The following ACCSL variants were observed in gnomAD, a reference collection of about 807,000 sequenced individuals.
The protein encoded by ACCSL is probable inactive 1-aminocyclopropane-1-carboxylate synthase-like protein 2.
In ACCSL, 55 loss-of-function variants were observed where a neutral mutation model predicts 61.7. The observed-to-expected ratio is 0.89, with a 90% CI of 0.72 to 1.12. The LOEUF (loss-of-function observed/expected upper bound fraction) is 1.12, where lower values mean the gene tolerates loss of function less well. Ranked by LOEUF, ACCSL falls within the 50% of genes most tolerant of loss-of-function variation. ACCSL has a pLI of 0.00. For missense variants in ACCSL, 632 were observed against 698.0 expected, an observed-to-expected ratio of 0.91 and a Z score of 1.07; for synonymous variants, 258 against 264.3, an observed-to-expected ratio of 0.98 and a Z score of 0.23.
At chr11:43,979,643 C>A in the ACCSL span, among the ~76,000 whole-genome samples, 2 of 152,014 alleles carry the variant, frequency 1.3e-5, no homozygotes, top group Non-Finnish European at 2.9e-5. Flanking sequence ...AATTCACATG[C>A]TTCGTTTCTA....
chr11:43,981,700 A>G, the ACCSL span, among the ~76,000 whole-genome samples: 1 of 152,090 alleles, frequency 6.6e-6, no homozygotes, highest in Non-Finnish European at 1.5e-5. Flanking sequence ...TGGGAAGTGA[A>G]GCTCTAGGGA....
chr11:43,994,888 C>G, the ACCSL span: 1 of 152,160 alleles, frequency 6.6e-6, no homozygotes, highest in Non-Finnish European at 1.5e-5. Context: ...CCTGCCTCGG[C>G]CTCGCAAAGT....
At chr11:44,037,015 G>T in the ACCSL span, among the ~76,000 whole-genome samples, 2 of 152,272 alleles carry the variant, frequency 1.3e-5, no homozygotes, top group African/African-American at 2.4e-5. Context: ...AGGGAGAAAA[G>T]GTTATGCAAT....
chr11:43,947,753 GA>G, the ACCSL span, among the ~76,000 whole-genome samples: 1 of 27,998 alleles, frequency 3.6e-5, no homozygotes, highest in Admixed American at 2.6e-4. Context: ...GAGAGAGAGA[GA>G]GAGAGAGAGA....
chr11:43,966,440 GA>G, the ACCSL span, among the ~76,000 whole-genome samples: 17 of 132,612 alleles, frequency 1.3e-4, no homozygotes, highest in East Asian at 3.0e-3. Context: ...AAAAAAAAAA[GA>G]AAAAAAAATT....
At chr11:44,020,227 G>A in the ACCSL span, among the ~76,000 whole-genome samples, 2 of 152,052 alleles carry the variant, frequency 1.3e-5, no homozygotes, top group African/African-American at 2.4e-5. Context: ...TTGTGTATTT[G>A]TAGCTTCCTT....
At chr11:44,016,715 T>C in the ACCSL span, among the ~76,000 whole-genome samples, 4 of 152,014 alleles carry the variant, frequency 2.6e-5, no homozygotes, top group Non-Finnish European at 5.9e-5. Context: ...TGCCAAGAAA[T>C]CCAGCAGACA....
the ACCSL span, chr11:43,943,603 T>C: frequency 3.1e-6 from 4 of 1,307,866 alleles, no homozygotes; most frequent in South Asian, 1.2e-5. The surrounding 1 kb of genome is among the most constrained non-coding windows in gnomAD (Gnocchi z 4.8). Context: ...TCCATGCCCT[T>C]GTCCGATGGT....
At chr11:43,935,247 C>T in the ACCSL span, among the ~76,000 whole-genome samples, 19 of 152,332 alleles carry the variant, frequency 1.2e-4, no homozygotes, top group South Asian at 2.1e-3. Flanking sequence ...AGTGTGTACA[C>T]GCACACACAC....
chr11:44,000,631 TA>T, the ACCSL span, among the ~76,000 whole-genome samples: 7,859 of 126,968 alleles, frequency 0.062, 229 homozygotes, highest in Middle Eastern at 0.11. Context: ...CTGTCTCTAT[TA>T]AAAAAAAAAA....
the ACCSL span, among the ~76,000 whole-genome samples, chr11:43,939,906 C>T: frequency 6.6e-5 from 10 of 152,136 alleles, no homozygotes; most frequent in Non-Finnish European, 1.3e-4. Context: ...CGTGCCTGGA[C>T]AGAGGTCAAC....
At chr11:43,967,882 A>G in the ACCSL span, among the ~76,000 whole-genome samples, 1 of 152,108 alleles carries the variant, frequency 6.6e-6, no homozygotes, top group African/African-American at 2.4e-5. Context: ...TATTTTCTCT[A>G]CACATATGTT....
chr11:43,989,464 C>T, the ACCSL span, among the ~76,000 whole-genome samples: 2 of 152,236 alleles, frequency 1.3e-5, no homozygotes, highest in Non-Finnish European at 2.9e-5. Context: ...GAGAAGCCTC[C>T]TGTTTCCTTT....
At chr11:43,983,675 G>C in the ACCSL span, among the ~76,000 whole-genome samples, 1 of 151,280 alleles carries the variant, frequency 6.6e-6, no homozygotes, top group Non-Finnish European at 1.5e-5. Context: ...GGAGGGCAGG[G>C]GAGAATCTAA....
chr11:44,011,377 T>C, the ACCSL span, among the ~76,000 whole-genome samples: 1 of 152,200 alleles, frequency 6.6e-6, no homozygotes, highest in East Asian at 1.9e-4. Context: ...CCCCATTTCA[T>C]TATAATGTCC....
chr11:44,026,059 G>C, the ACCSL span, among the ~76,000 whole-genome samples: 1 of 152,024 alleles, frequency 6.6e-6, no homozygotes, highest in South Asian at 2.1e-4. Flanking sequence ...GAGCTTCTTG[G>C]GTGTGCAGAT....
chr11:43,958,306 T>A, the ACCSL span, among the ~76,000 whole-genome samples: 1 of 152,200 alleles, frequency 6.6e-6, no homozygotes, highest in African/African-American at 2.4e-5. Flanking sequence ...CACAACCAGA[T>A]GGCCCCACCT....
the ACCSL span, chr11:43,944,416 AG>A: frequency 1.3e-3 from 201 of 156,576 alleles, no homozygotes; most frequent in Non-Finnish European, 2.4e-3. Flanking sequence ...CCCTGACCGC[AG>A]TTGACCCAGC....
the ACCSL span, among the ~76,000 whole-genome samples, chr11:44,039,700 T>C: frequency 6.6e-6 from 1 of 152,258 alleles, no homozygotes; most frequent in Non-Finnish European, 1.5e-5. Flanking sequence ...GTTATACACC[T>C]ACTGAATTGG....
Sources: gnomAD v4.1 joint callset for allele counts (sites outside exome capture counted in the v4.1 genomes callset) on GRCh38, gnomAD v4.1.1 for gene constraint, Gnocchi (gnomAD v3.1) non-coding constraint, MANE v1.5 for transcripts, NCBI Gene and HGNC (gene_info 2026-07-23, HGNC 2026-07-21) for gene names.